The following ABTB3 variants were observed in gnomAD, a reference collection of about 807,000 sequenced individuals.
The protein encoded by ABTB3 is ankyrin repeat- and BTB/POZ domain-containing protein 3.
At chr12:107,383,727 G>A in the ABTB3 span, among the ~76,000 whole-genome samples, 1 of 152,174 alleles carries the variant, frequency 6.6e-6, no homozygotes, top group Admixed American at 6.5e-5. Flanking sequence ...CAAAGGCACT[G>A]CATAAATACA....
the ABTB3 span, among the ~76,000 whole-genome samples, chr12:107,422,852 T>C: frequency 1.6e-4 from 25 of 152,322 alleles, no homozygotes; most frequent in Non-Finnish European, 2.9e-4. Context: ...AATTATATCT[T>C]CAGAATTTAG....
At chr12:107,499,169 C>T in the ABTB3 span, among the ~76,000 whole-genome samples, 1 of 152,274 alleles carries the variant, frequency 6.6e-6, no homozygotes, top group Admixed American at 6.5e-5. Context: ...TTGTCCAAGG[C>T]TTCCCAGCAT....
chr12:107,548,181 C>T, the ABTB3 span, among the ~76,000 whole-genome samples: 4 of 106,540 alleles, frequency 3.8e-5, no homozygotes, highest in Admixed American at 1.1e-4. Flanking sequence ...TCTTTCTCTC[C>T]TCTCTCCTGT....
At chr12:107,613,323 C>T in the ABTB3 span, among the ~76,000 whole-genome samples, 1 of 152,120 alleles carries the variant, frequency 6.6e-6, no homozygotes, top group African/African-American at 2.4e-5. Flanking sequence ...AGATCCTCCA[C>T]GCTCCCCCTC....
the ABTB3 span, among the ~76,000 whole-genome samples, chr12:107,587,760 C>T: frequency 2.6e-5 from 4 of 152,232 alleles, no homozygotes; most frequent in Middle Eastern, 3.4e-3. Context: ...AATACACACA[C>T]GTGTATTTGC....
the ABTB3 span, among the ~76,000 whole-genome samples, chr12:107,497,385 C>G: frequency 6.9e-6 from 1 of 145,282 alleles, no homozygotes; most frequent in African/African-American, 2.8e-5. Flanking sequence ...CCACCATCAT[C>G]ATCTCTACCA....
chr12:107,496,321 C>T, the ABTB3 span, among the ~76,000 whole-genome samples: 3 of 152,188 alleles, frequency 2.0e-5, no homozygotes, highest in Non-Finnish European at 4.4e-5. Flanking sequence ...CCAGCTCCTT[C>T]TTCCTTCATT....
the ABTB3 span, among the ~76,000 whole-genome samples, chr12:107,416,496 A>C: frequency 1.1e-4 from 16 of 152,216 alleles, no homozygotes; most frequent in African/African-American, 3.6e-4. Flanking sequence ...TGGTTCAACT[A>C]TTTGGATGCC....
the ABTB3 span, among the ~76,000 whole-genome samples, chr12:107,470,066 T>C: frequency 1.3e-5 from 2 of 148,684 alleles, no homozygotes; most frequent in African/African-American, 5.0e-5. Context: ...TGAGACAGAG[T>C]CTTGCTTCGT....
At chr12:107,629,062 T>C in the ABTB3 span, among the ~76,000 whole-genome samples, 1 of 152,194 alleles carries the variant, frequency 6.6e-6, no homozygotes, top group African/African-American at 2.4e-5. Flanking sequence ...AGAGGAAAGA[T>C]GTCACCCCCC....
At chr12:107,554,862 A>T in the ABTB3 span, among the ~76,000 whole-genome samples, 2 of 152,208 alleles carry the variant, frequency 1.3e-5, no homozygotes, top group Non-Finnish European at 2.9e-5. Flanking sequence ...TTTTTAAGTT[A>T]CCTAAAGGCA....
At chr12:107,540,487 G>A in the ABTB3 span, among the ~76,000 whole-genome samples, 6 of 152,060 alleles carry the variant, frequency 3.9e-5, no homozygotes, top group African/African-American at 1.2e-4. Context: ...ATGCATTACC[G>A]GCTATCTAGG....
the ABTB3 span, chr12:107,635,438 G>A: frequency 6.4e-7 from 1 of 1,565,480 alleles, no homozygotes; most frequent in South Asian, 1.1e-5. Flanking sequence ...TGTGATTTAA[G>A]GACGAGGAGC....
the ABTB3 span, among the ~76,000 whole-genome samples, chr12:107,608,954 AAT>A: frequency 0.061 from 4,905 of 80,806 alleles, 412 homozygotes; most frequent in African/African-American, 0.19. Flanking sequence ...AATAAAATAA[AAT>A]ATAAAATAAA....
chr12:107,575,585 C>T, the ABTB3 span, among the ~76,000 whole-genome samples: 2 of 152,188 alleles, frequency 1.3e-5, no homozygotes, highest in Non-Finnish European at 2.9e-5. Flanking sequence ...TTGGTTCTTC[C>T]TAGAGGCTCT....
chr12:107,484,159 T>C, the ABTB3 span, among the ~76,000 whole-genome samples: 122 of 152,312 alleles, frequency 8.0e-4, 1 homozygote, highest in African/African-American at 2.8e-3. Flanking sequence ...GAGCTGACCA[T>C]GAACATATAT....
the ABTB3 span, among the ~76,000 whole-genome samples, chr12:107,504,646 T>G: frequency 1.4e-4 from 21 of 152,206 alleles, no homozygotes; most frequent in African/African-American, 5.1e-4. Context: ...CTAGGGACTT[T>G]CATTATGAAT....
the ABTB3 span, chr12:107,318,836 C>T: frequency 3.7e-6 from 5 of 1,345,262 alleles, no homozygotes; most frequent in Non-Finnish European, 4.0e-6. Flanking sequence ...AAAAGTGAGC[C>T]AAGGCGGCGC....
At chr12:107,651,663 G>A in the ABTB3 span, 2 of 1,607,828 alleles carry the variant, frequency 1.2e-6, no homozygotes, top group Non-Finnish European at 8.5e-7. Flanking sequence ...GACTCTTTTT[G>A]TGATTTTTAG....
Sources: allele counts gnomAD v4.1 joint callset (sites outside exome capture counted in the v4.1 genomes callset), GRCh38; gene constraint gnomAD v4.1.1; transcripts MANE v1.5; gene names NCBI Gene and HGNC (gene_info 2026-07-23, HGNC 2026-07-21).